The following LRRFIP1 variants were observed in gnomAD, a reference collection of about 807,000 sequenced individuals.
LRRFIP1 encodes LRR binding FLII interacting protein 1, also known as leucine-rich repeat flightless-interacting protein 1.
In LRRFIP1, 62 loss-of-function variants were observed where a neutral mutation model predicts 104.4. The ratio of observed to expected loss-of-function variants is 0.59; its 90% confidence interval spans 0.48 to 0.73. LRRFIP1 has a LOEUF of 0.73. LRRFIP1 is among the 30% of genes least tolerant of loss of function. The pLI is 0.00. For synonymous variants in LRRFIP1, 300 were observed against 299.0 expected, an observed-to-expected ratio of 1.00 and a Z score of -0.03; for missense variants, 796 against 824.5, an observed-to-expected ratio of 0.97 and a Z score of 0.42.
At chr2:237,771,551 T>TCCCCCCCCCCCCCCC (rs772060776) in intron 20 of LRRFIP1, among the ~76,000 whole-genome samples, 8 of 50,028 alleles carry the variant, frequency 1.6e-4, no homozygotes, top group Admixed American at 3.6e-4. Context: ...CTGGAACCAA[T>TCCCCCCCCCCCCCCC]CCCCCCCCCC....
Position 237,649,052 on chromosome 2 carries a change from C to T in LRRFIP1, c.96+21312C>T, listed in dbSNP as rs868117837. Among the ~76,000 whole-genome samples, 1 of 151,900 alleles carries T rather than the reference C, an allele frequency of 6.6e-6. No homozygotes were observed. The highest frequency in any genetic ancestry group is 6.6e-5 in the Admixed American group (1 of 15,264). On this transcript the variant is annotated intron_variant, in intron 1 of 23. Transcript: ENST00000308482. This position sits in a 1 kb window ranked among gnomAD's most constrained non-coding sequence, Gnocchi z 4.1. ...CTTGTCACCATCCTTTGTTGCCTCC[C>T]ATCTGTGGTCAGCACGGAGGCTGCC...
At chr2:237,700,962 T>C (rs1471079651) in intron 1 of LRRFIP1, among the ~76,000 whole-genome samples, 2 of 152,222 alleles carry the variant, frequency 1.3e-5, no homozygotes, top group Non-Finnish European at 2.9e-5. Context: ...TGTAGAATTC[T>C]GGACCCCTAG....
At chr2:237,763,509 A>C (rs1438541372) in intron 19 of LRRFIP1, 3 of 1,613,702 alleles carry the variant, frequency 1.9e-6, no homozygotes, top group Non-Finnish European at 2.5e-6. Context: ...ACGTATCAGA[A>C]CACAGATTTA....
intron 1 of LRRFIP1, among the ~76,000 whole-genome samples, chr2:237,628,834 T>C (rs2081959556): frequency 6.6e-6 from 1 of 152,238 alleles, no homozygotes; most frequent in African/African-American, 2.4e-5. Context: ...GATTTTGCTC[T>C]TACGGACATG....
chr2:237,678,120 A>G (rs1007936443), intron 1 of LRRFIP1, among the ~76,000 whole-genome samples: 6 of 152,136 alleles, frequency 3.9e-5, no homozygotes, highest in South Asian at 2.1e-4. Flanking sequence ...AGGCACAGTC[A>G]TAGCTCCTTA....
intron 1 of LRRFIP1, among the ~76,000 whole-genome samples, chr2:237,699,942 G>A (rs1481703701): frequency 2.6e-5 from 4 of 152,222 alleles, no homozygotes; most frequent in Non-Finnish European, 4.4e-5. Context: ...GGGGGACTTC[G>A]TGAGATTGCC....
intron 1 of LRRFIP1, among the ~76,000 whole-genome samples, chr2:237,697,087 T>C (rs1231439646): frequency 6.6e-6 from 1 of 152,184 alleles, no homozygotes; most frequent in African/African-American, 2.4e-5. Flanking sequence ...AATGGCACAA[T>C]CTCAGCTCAC....
intron 14 of LRRFIP1, among the ~76,000 whole-genome samples, chr2:237,752,192 GGTCAGGAGTTTGAGAC>G (rs1224835919): frequency 6.6e-6 from 1 of 152,170 alleles, no homozygotes; most frequent in Non-Finnish European, 1.5e-5. Flanking sequence ...GATCACCGGA[GGTCAGGAGTTTGAGAC>G]CAGCCTGGCC....
intron 19 of LRRFIP1, chr2:237,764,899 T>C (rs764369199): frequency 1.2e-5 from 12 of 985,710 alleles, no homozygotes; most frequent in South Asian, 4.7e-5. Context: ...GATTTAAAGT[T>C]TTTTTCTGGA....
rs116473017 is a variant in LRRFIP1 at position 237,735,969 on chromosome 2, G to A, written c.555+636G>A. 1.3e-3 allele frequency among the ~76,000 whole-genome samples: 193 copies of A among 152,338 alleles called. No individual in the cohort carries two copies. The highest frequency in any genetic ancestry group is 4.5e-3 in the African/African-American group (187 of 41,572). On this transcript the variant is annotated intron_variant, in intron 10 of 23. Transcript: ENST00000308482. The surrounding 1 kb of genome is among the most constrained non-coding windows in gnomAD (Gnocchi z 4.6). ...CAGTGCTAACCGGTGCTCCCTGGCGGTGGATCTCCTGTATTCAGAGGCTCC... is the reference window on the plus strand; with the variant it reads ...CAGTGCTAACCGGTGCTCCCTGGCGATGGATCTCCTGTATTCAGAGGCTCC...
At chr2:237,770,080 C>A in intron 20 of LRRFIP1, 88 bp downstream of exon 20, 2 of 1,051,534 alleles carry the variant, frequency 1.9e-6, no homozygotes, top group Non-Finnish European at 2.9e-6. Context: ...CTCAGAAAAC[C>A]CCTAAGTTAA....
chr2:237,659,178 C>T (rs2087388758), intron 1 of LRRFIP1, among the ~76,000 whole-genome samples: 1 of 152,126 alleles, frequency 6.6e-6, no homozygotes, highest in Non-Finnish European at 1.5e-5. Flanking sequence ...ACTGCAGCCT[C>T]AGATTCCTGG....
At chr2:237,690,751 G>A (rs201662568) in intron 1 of LRRFIP1, among the ~76,000 whole-genome samples, 1 of 130,916 alleles carries the variant, frequency 7.6e-6, no homozygotes, top group Non-Finnish European at 1.7e-5. Flanking sequence ...AAAAAAAAAA[G>A]AAAGAAAGAA....
chr2:237,746,886 G>A, intron 11 of LRRFIP1, among the ~76,000 whole-genome samples: 1 of 152,208 alleles, frequency 6.6e-6, no homozygotes, highest in South Asian at 2.1e-4. Flanking sequence ...CCACCACCCT[G>A]CCCAAAGGGC....
At chr2:237,719,674 A>T (rs2150159624) in intron 5 of LRRFIP1, 107 bp downstream of exon 5, 1 of 693,502 alleles carries the variant, frequency 1.4e-6, no homozygotes, top group East Asian at 2.8e-5. Context: ...TGATGATATC[A>T]TCTCTTAAAG....
chr2:237,702,701 A>G lies in LRRFIP1; in HGVS notation c.97-5843A>G, dbSNP rs189200893. ...TTTTTGCTCTTTGTTATGAAACAGC[A>G]GCCAGACCGAGCTATGCATGTCCTG... On this transcript the variant is annotated intron_variant, in intron 1 of 23. Coordinates refer to ENST00000308482, the MANE Select transcript of LRRFIP1 (RefSeq NM_001137550.2). Among the ~76,000 whole-genome samples, 178 of 152,298 alleles carry G rather than the reference A, an allele frequency of 1.2e-3. 1 individual carries two copies. Among genetic ancestry groups the G allele is most frequent in the Middle Eastern group, 3.4e-3 (1 of 294 alleles).
Position 237,703,105 on chromosome 2 carries a change from A to G in LRRFIP1, c.97-5439A>G, listed in dbSNP as rs1487093117. Among the ~76,000 whole-genome samples, 1 of 152,132 alleles carries G rather than the reference A, an allele frequency of 6.6e-6. No individual in the cohort carries two copies. The highest frequency in any genetic ancestry group is 1.5e-5 in the Non-Finnish European group (1 of 68,004). ...CATGAACCCTAGCGAGGGCCATGCC[A>G]AGAAGCCGCTGTTCTAATCTAATCA... On this transcript the variant is annotated intron_variant, in intron 1 of 23. Transcript: ENST00000308482. The surrounding 1 kb of genome is among the most constrained non-coding windows in gnomAD (Gnocchi z 4.3).
intron 23 of LRRFIP1, 119 bp from the exon 24 acceptor site, chr2:237,779,303 A>C: frequency 7.0e-7 from 1 of 1,427,272 alleles, no homozygotes; most frequent in Non-Finnish European, 9.3e-7. Flanking sequence ...ATCATGAGGG[A>C]CCAGGGGCCA....
In LRRFIP1 at chr2:237,712,268, C is replaced by T. The variant is rs77884872; in HGVS notation, c.184-1991C>T. 3.3e-3 allele frequency among the ~76,000 whole-genome samples: 501 copies of T among 152,296 alleles called. 10 individuals are homozygous for T. The East Asian group carries it at 0.047, about 14-fold the overall frequency. On this transcript the variant is annotated intron_variant, in intron 2 of 23. Coordinates refer to ENST00000308482, the MANE Select transcript of LRRFIP1 (RefSeq NM_001137550.2). ...GATACAAAGCCTGTGGTCTTCCTAG[C>T]TCACCCCTCTGTCTCAAAATCAGTT...
Sources: gnomAD v4.1 joint callset for allele counts (sites outside exome capture counted in the v4.1 genomes callset) on GRCh38, gnomAD v4.1.1 for gene constraint, Gnocchi (gnomAD v3.1) non-coding constraint, MANE v1.5 for transcripts, NCBI Gene and HGNC (gene_info 2026-07-23, HGNC 2026-07-21) for gene names.